The following PLEKHG7 variants were observed in gnomAD, a reference collection of about 807,000 sequenced individuals.
The protein encoded by PLEKHG7 is pleckstrin homology domain-containing family G member 7.
In PLEKHG7, 77 loss-of-function variants were observed where a neutral mutation model predicts 85.2. The observed-to-expected ratio is 0.90, with a 90% CI of 0.75 to 1.09. The LOEUF (loss-of-function observed/expected upper bound fraction) is 1.09, where lower values mean the gene tolerates loss of function less well. PLEKHG7 is among the 50% of genes least tolerant of loss of function. PLEKHG7 has a pLI of 0.00. For synonymous variants in PLEKHG7, 301 were observed against 302.4 expected (o/e 1.00, Z 0.05); for missense variants, 777 against 804.3 (o/e 0.97, Z 0.41).
chr12:92,761,649 A>G (rs1476269358), intron 13 of PLEKHG7, 103 bp from the exon 14 acceptor site: 2 of 1,149,070 alleles, frequency 1.7e-6, no homozygotes, highest in African/African-American at 3.5e-5. Flanking sequence ...AAAGAAAGAA[A>G]GAAAGAAAGA....
intron 13 of PLEKHG7, among the ~76,000 whole-genome samples, chr12:92,761,547 A>G (rs1872990290): frequency 7.6e-6 from 1 of 132,144 alleles, no homozygotes. Context: ...AAAAAAAGAG[A>G]GAAAGAAAGA....
chr12:92,741,043 A>G, intron 8 of PLEKHG7, 95 bp downstream of exon 8: 2 of 822,556 alleles, frequency 2.4e-6, no homozygotes, highest in East Asian at 2.5e-5. Context: ...GCCATAATAC[A>G]TCTCCATATT....
At chr12:92,744,138 T>G (rs1245925760) in intron 9 of PLEKHG7, among the ~76,000 whole-genome samples, 1 of 152,250 alleles carries the variant, frequency 6.6e-6, no homozygotes, top group Non-Finnish European at 1.5e-5. Context: ...TTACTGTCAC[T>G]TCTGCTAGTG....
rs1269327240 is a variant in PLEKHG7 at position 92,736,526 on chromosome 12, G to A, written c.744G>A (p.Leu248=). 1.2e-5 allele frequency: 15 copies of A among 1,231,898 alleles called. No individual in the cohort carries two copies. Among genetic ancestry groups the A allele is most frequent in the African/African-American group, 1.6e-5 (1 of 64,416 alleles). The allele number at this position is 1,231,898 out of a possible 1,614,324, so 76.3% of individuals were successfully genotyped here. ...HKHISDLENC[L]SSVKITSFRG... ...ACATATCTGATCTGGAAAACTGCCT[G>A]TCCTCTGTGAAAATTACCAGCTTCA... is the stretch of plus-strand genomic sequence containing the variant. Residue 248 remains leucine, a synonymous_variant, in exon 6 of 17, where the codon CTG becomes CTA. Coordinates refer to ENST00000344636, the MANE Select transcript of PLEKHG7 (RefSeq NM_001377329.1).
intron 1 of PLEKHG7, among the ~76,000 whole-genome samples, chr12:92,705,551 G>A (rs187338660): frequency 3.5e-4 from 54 of 152,268 alleles, no homozygotes; most frequent in Admixed American, 1.0e-3. Flanking sequence ...TGGAATATAC[G>A]GTCAACTACT....
chr12:92,732,226 C>T lies in PLEKHG7; in HGVS notation c.659-7C>T. 8.1e-7 allele frequency: 1 copy of T among 1,228,920 alleles called. No individual in the cohort carries two copies. Among genetic ancestry groups the T allele is most frequent in the Non-Finnish European group, 1.0e-6 (1 of 985,096 alleles). The allele number at this position is 1,228,920 out of a possible 1,614,324, so 76.1% of individuals were successfully genotyped here. A position where few individuals can be genotyped will look rare whatever the true frequency, so the allele number is the denominator to read the frequency against. ...CGTAATAATATATTGTCTTTAATTT[C>T]ACCCAGAATCCAAAAAGCCAAGATG... On this transcript the variant is annotated splice_polypyrimidine_tract_variant and splice_region_variant and intron_variant, in intron 4 of 16. Coordinates refer to ENST00000344636, the MANE Select transcript of PLEKHG7 (RefSeq NM_001377329.1).
chr12:92,706,856 AGCTCCTGTGG>A lies in PLEKHG7; in HGVS notation c.229_238del (p.Pro77SerfsTer23). 5 of 1,613,900 alleles carry A rather than the reference AGCTCCTGTGG, an allele frequency of 3.1e-6. No homozygotes were observed. Among genetic ancestry groups the A allele is most frequent in the Non-Finnish European group, 4.2e-6 (5 of 1,180,002 alleles). ...AGGTGACCACCTGGGGAAGCTGGGG[AGCTCCTGTGG>A]GCTTCCCATGTTACCTTTCGAAGAG... On this transcript the variant is annotated frameshift_variant, in exon 2 of 17. Transcript: ENST00000344636. LOFTEE classifies it high-confidence loss of function.
chr12:92,713,044 A>G (rs925392799), intron 3 of PLEKHG7, among the ~76,000 whole-genome samples: 9 of 152,116 alleles, frequency 5.9e-5, no homozygotes, highest in Non-Finnish European at 1.2e-4. Context: ...CTCCATAGGG[A>G]AGGATGGGAA....
rs534432351 is a variant in PLEKHG7, at chr12:92,707,163, C to T, written c.507+25C>T. ...GGTAACACAGCTCTAAGCCTCCGGCCTCTCAGTTGCTGAACCACAAAGCAA... is the reference window on the plus strand; with the variant it reads ...GGTAACACAGCTCTAAGCCTCCGGCTTCTCAGTTGCTGAACCACAAAGCAA... On this transcript the variant is annotated intron_variant, in intron 2 of 16. Coordinates refer to ENST00000344636, the MANE Select transcript of PLEKHG7 (RefSeq NM_001377329.1). 2.0e-4 allele frequency: 319 copies of T among 1,587,994 alleles called. 1 individual carries two copies. The South Asian group carries it at 3.5e-3, about 17-fold the overall frequency.
intron 3 of PLEKHG7, among the ~76,000 whole-genome samples, chr12:92,722,556 G>A (rs1227697213): frequency 2.0e-5 from 3 of 152,046 alleles, no homozygotes; most frequent in Non-Finnish European, 2.9e-5. Context: ...TTCACAAGCC[G>A]GTTATCTTCT....
At chr12:92,743,432 A>T (rs1158031330) in intron 9 of PLEKHG7, among the ~76,000 whole-genome samples, 3 of 152,198 alleles carry the variant, frequency 2.0e-5, no homozygotes, top group Non-Finnish European at 2.9e-5. Flanking sequence ...TGTTATTCAC[A>T]TGTGAGCCAT....
At chr12:92,751,335 C>A (rs1290134349) in intron 10 of PLEKHG7, among the ~76,000 whole-genome samples, 1 of 152,144 alleles carries the variant, frequency 6.6e-6, no homozygotes, top group East Asian at 1.9e-4. Flanking sequence ...TGTGAGCTCA[C>A]TCTCATGGCC....
Position 92,732,283 on chromosome 12 carries a change from G to A in PLEKHG7, c.699+10G>A. On this transcript the variant is annotated intron_variant, in intron 5 of 16. Transcript: ENST00000344636. ...CTCCAAAAGAGGAGTGGTAAGTGTT[G>A]CAAATTGCCATTTTTGTTTTAATTA... The A allele has an allele frequency of 1.6e-6, 2 of 1,230,472 alleles. No individual in the cohort carries two copies. The highest frequency in any genetic ancestry group is 2.0e-6 in the Non-Finnish European group (2 of 986,516). 76.2% of individuals were successfully genotyped at this position (1,230,472 alleles called of 1,614,324 possible). A position where few individuals can be genotyped will look rare whatever the true frequency, so the allele number is the denominator to read the frequency against.
At chr12:92,746,783 A>G (rs1872545740) in intron 10 of PLEKHG7, among the ~76,000 whole-genome samples, 1 of 152,272 alleles carries the variant, frequency 6.6e-6, no homozygotes, top group Non-Finnish European at 1.5e-5. Context: ...TTGGAGAAAC[A>G]ACACTCTCTT....
intron 13 of PLEKHG7, 114 bp downstream of exon 13, chr12:92,756,505 A>T: frequency 1.2e-6 from 1 of 831,656 alleles, no homozygotes; most frequent in East Asian, 2.5e-5. Context: ...CAGGTGATGG[A>T]GGGTGTGAAT....
At chr12:92,769,135 C>A in intron 16 of PLEKHG7, 55 bp downstream of exon 16, 1 of 1,304,148 alleles carries the variant, frequency 7.7e-7, no homozygotes, top group Non-Finnish European at 1.1e-6. Context: ...ATAAGCTCCC[C>A]CCAAGTGTCT....
At chr12:92,749,880 AT>A (rs1164677828) in intron 10 of PLEKHG7, among the ~76,000 whole-genome samples, 3 of 132,476 alleles carry the variant, frequency 2.3e-5, no homozygotes, top group Non-Finnish European at 5.0e-5. Context: ...ATTTTATTTT[AT>A]TTTTTATTTT....
At chr12:92,736,946 C>CATA (rs1252407229) in intron 6 of PLEKHG7, among the ~76,000 whole-genome samples, 1 of 152,196 alleles carries the variant, frequency 6.6e-6, no homozygotes, top group Non-Finnish European at 1.5e-5. Context: ...CTAAAGCTCT[C>CATA]ACTTCATGCT....
At chr12:92,736,976 A>G (rs1010392268) in intron 6 of PLEKHG7, among the ~76,000 whole-genome samples, 7 of 152,176 alleles carry the variant, frequency 4.6e-5, no homozygotes, top group East Asian at 1.9e-4. Context: ...GTTAATTTCA[A>G]TAAGTTTTGC....
Sources: gnomAD v4.1 joint callset for allele counts (sites outside exome capture counted in the v4.1 genomes callset) on GRCh38, gnomAD v4.1.1 for gene constraint, MANE v1.5 for transcripts, NCBI Gene and HGNC (gene_info 2026-07-23, HGNC 2026-07-21) for gene names.